Variants in DKK2 observed in about 807,000 individuals in gnomAD.
DKK2 encodes dickkopf-related protein 2.
DKK2 carries 11 observed loss-of-function variants against 28.1 expected under a neutral mutation model. That is an observed-to-expected ratio of 0.39 (90% CI 0.25 to 0.65). The LOEUF (loss-of-function observed/expected upper bound fraction) is 0.65. Among genes scored for constraint, DKK2 ranks in the 30% least tolerant of loss-of-function variants. The pLI is 0.47. For synonymous variants in DKK2, 135 were observed against 126.5 expected, an observed-to-expected ratio of 1.07 and a Z score of -0.45; for missense variants, 326 against 335.5, an observed-to-expected ratio of 0.97 and a Z score of 0.22.
chr4:107,026,669 A>G (rs1723785334), intron 1 of DKK2, among the ~76,000 whole-genome samples: 2 of 152,186 alleles, frequency 1.3e-5, no homozygotes, highest in African/African-American at 4.8e-5. Flanking sequence ...CAGCAATCAG[A>G]CTTGATTGTT....
chr4:107,001,147 T>TTATA (rs1723354151), intron 1 of DKK2, among the ~76,000 whole-genome samples: 1 of 151,982 alleles, frequency 6.6e-6, no homozygotes, highest in Admixed American at 6.6e-5. Flanking sequence ...AGACCAGGTG[T>TTATA]TATAACTTTA....
At chr4:106,939,539 T>G (rs976321839) in intron 1 of DKK2, among the ~76,000 whole-genome samples, 21 of 152,248 alleles carry the variant, frequency 1.4e-4, no homozygotes, top group African/African-American at 5.1e-4. Context: ...CGGCCCAAGG[T>G]AATTTACAGA....
At chr4:106,975,401 A>C (rs1232533040) in intron 1 of DKK2, among the ~76,000 whole-genome samples, 11 of 152,064 alleles carry the variant, frequency 7.2e-5, no homozygotes, top group Non-Finnish European at 7.4e-5. Flanking sequence ...AGGCTATTAA[A>C]TACTGCCTCA....
At chr4:106,932,327 G>C (rs746215488) in intron 1 of DKK2, among the ~76,000 whole-genome samples, 1 of 151,902 alleles carries the variant, frequency 6.6e-6, no homozygotes, top group Non-Finnish European at 1.5e-5. Context: ...TAAATCCAAA[G>C]AAACAGTAAC....
intron 1 of DKK2, among the ~76,000 whole-genome samples, chr4:106,929,887 G>C (rs1441697350): frequency 6.6e-6 from 1 of 152,184 alleles, no homozygotes; most frequent in Non-Finnish European, 1.5e-5. Flanking sequence ...TAGAGACCTT[G>C]AGTTCTTCCC....
intron 1 of DKK2, among the ~76,000 whole-genome samples, chr4:107,018,925 T>C (rs896711305): frequency 7.2e-5 from 11 of 152,222 alleles, no homozygotes; most frequent in African/African-American, 2.6e-4. Flanking sequence ...TGCAATCTGC[T>C]ACCTTTCAGT....
chr4:106,958,215 TA>T (rs543549109), intron 1 of DKK2, among the ~76,000 whole-genome samples: 7 of 150,924 alleles, frequency 4.6e-5, no homozygotes, highest in East Asian at 3.9e-4. Context: ...TTATTAATAA[TA>T]AAAAAAAGCT....
At position 106,924,203 on chromosome 4, in the gene DKK2, C is replaced by T; in HGVS notation, c.531G>A (p.Gly177=). ...ATCGTAGGCAGGGGTCTCCTTCATG[C>T]CCTGCAGAGATGATGACCAATAGAT... The part of the protein sequence containing the change: ...RPHTKMSHIK[G]HEGDPCLRSS... The change falls in exon 4 of 4, where the codon GGG becomes GGA. Residue 177 remains glycine, a splice_region_variant and synonymous_variant. Transcript: ENST00000285311. The T allele has an allele frequency of 6.2e-7, 1 of 1,613,726 alleles. No homozygotes were observed. Among genetic ancestry groups the T allele is most frequent in the South Asian group, 1.1e-5 (1 of 91,070 alleles).
At chr4:107,022,134 A>G (rs775147328) in intron 1 of DKK2, among the ~76,000 whole-genome samples, 1 of 152,122 alleles carries the variant, frequency 6.6e-6, no homozygotes, top group Non-Finnish European at 1.5e-5. Context: ...AGAAAAACTC[A>G]TCAAGTTGTC....
At chr4:107,004,304 A>G (rs994403322) in intron 1 of DKK2, among the ~76,000 whole-genome samples, 2 of 152,210 alleles carry the variant, frequency 1.3e-5, no homozygotes, top group African/African-American at 4.8e-5. Flanking sequence ...TGCTCAGTCC[A>G]GATCACAATT....
At chr4:106,942,218 A>C (rs1329444525) in intron 1 of DKK2, among the ~76,000 whole-genome samples, 1 of 152,148 alleles carries the variant, frequency 6.6e-6, no homozygotes, top group Non-Finnish European at 1.5e-5. Context: ...ACGTGTTAGT[A>C]ATCCCCAAAA....
intron 1 of DKK2, among the ~76,000 whole-genome samples, chr4:106,979,734 C>T (rs1338232667): frequency 6.6e-6 from 1 of 152,222 alleles, no homozygotes; most frequent in South Asian, 2.1e-4. Flanking sequence ...GTGTAACACA[C>T]ATGCAGATGC....
intron 1 of DKK2, among the ~76,000 whole-genome samples, chr4:106,988,176 C>T (rs1723151270): frequency 6.6e-6 from 1 of 152,154 alleles, no homozygotes; most frequent in Admixed American, 6.5e-5. Context: ...ATGTTACCCT[C>T]TTCTTGCAGA....
intron 2 of DKK2, among the ~76,000 whole-genome samples, chr4:106,924,958 A>G (rs1724405352): frequency 6.6e-6 from 1 of 152,210 alleles, no homozygotes; most frequent in Admixed American, 6.5e-5. Flanking sequence ...ATAATTTTAT[A>G]TAGTCACAAA....
intron 1 of DKK2, among the ~76,000 whole-genome samples, chr4:106,955,823 A>G (rs1359125506): frequency 1.3e-5 from 2 of 152,214 alleles, no homozygotes; most frequent in East Asian, 3.9e-4. Context: ...ATAGTCCAGT[A>G]AAGATTTGAA....
rs145557812 is a variant in DKK2, at chr4:106,940,853, G to C, written c.223-14904C>G. Among the ~76,000 whole-genome samples the C allele has an allele frequency of 7.2e-5, 11 of 152,102 alleles. No homozygotes were observed. In the South Asian group the frequency reaches 2.3e-3, roughly 32 times the overall value. ...AAATCATCATTGTCAGTAAACTATC[G>C]CAAGAACAAAAACCAAACACCGCAT... On this transcript the variant is annotated intron_variant, in intron 1 of 3. Coordinates refer to ENST00000285311, the MANE Select transcript of DKK2 (RefSeq NM_014421.3).
rs192447276 is a variant in DKK2 at position 106,932,725 on chromosome 4, A to G, written c.223-6776T>C. 2.4e-4 allele frequency among the ~76,000 whole-genome samples: 37 copies of G among 152,312 alleles called. No homozygotes were observed. In the East Asian group the frequency reaches 6.6e-3, roughly 27 times the overall value. On this transcript the variant is annotated intron_variant, in intron 1 of 3. Transcript: ENST00000285311. Reference sequence around the variant, plus strand: ...AGTACTCTATAATTTGTAATTGGATAAGTATAATTGTCCTAACCAAAAGAG... The same window carrying G: ...AGTACTCTATAATTTGTAATTGGATGAGTATAATTGTCCTAACCAAAAGAG...
At chr4:106,943,894 T>C (rs934319014) in intron 1 of DKK2, among the ~76,000 whole-genome samples, 1 of 152,148 alleles carries the variant, frequency 6.6e-6, no homozygotes. Flanking sequence ...GTGGGAGCTA[T>C]GACAATAGGT....
chr4:106,945,385 A>G (rs1435224629), intron 1 of DKK2, among the ~76,000 whole-genome samples: 1 of 152,166 alleles, frequency 6.6e-6, no homozygotes, highest in East Asian at 1.9e-4. Context: ...AGATTTTCAA[A>G]CACAGTGTAA....
Sources: gnomAD v4.1 joint callset for allele counts (sites outside exome capture counted in the v4.1 genomes callset) on GRCh38, gnomAD v4.1.1 for gene constraint, MANE v1.5 for transcripts, NCBI Gene and HGNC (gene_info 2026-07-23, HGNC 2026-07-21) for gene names.